Variants in DYNLRB1 observed in about 807,000 individuals in gnomAD.
The protein encoded by DYNLRB1 is ROBL/LC7-like 1.
In DYNLRB1, 6 loss-of-function variants were observed where a neutral mutation model predicts 13.5. The observed-to-expected ratio is 0.44, with a 90% CI of 0.24 to 0.88. The LOEUF (loss-of-function observed/expected upper bound fraction) is 0.88. DYNLRB1 is among the 40% of genes least tolerant of loss of function. The probability of loss-of-function intolerance (pLI) is 0.21; values close to 1 mark genes in which losing one functional copy is unlikely to be tolerated. For synonymous variants in DYNLRB1, 43 were observed against 45.0 expected (o/e 0.96, Z 0.18); for missense variants, 93 against 127.2 (o/e 0.73, Z 1.29).
chr20:34,534,756 C>T lies in DYNLRB1; in HGVS notation c.208C>T (p.Arg70Ter), dbSNP rs1440396140. Residue 70 changes from arginine to a stop codon, truncating the protein, a stop_gained, in exon 3 of 4, where the codon CGA becomes TGA. Transcript: ENST00000357156. LOFTEE classifies it high-confidence loss of function. ...CCCCCAGAACGATCTCACCTTCCTT[C>T]GAATTCGCTCCAAGAAAAATGAAAT... is the stretch of plus-strand genomic sequence containing the variant. ...IDPQNDLTFL[R>*]IRSKKNEIMV... is the part of the protein sequence containing the mutation. 1 of 1,614,136 alleles carries T rather than the reference C, an allele frequency of 6.2e-7. No individual in the cohort carries two copies. The highest frequency in any genetic ancestry group is 8.5e-7 in the Non-Finnish European group (1 of 1,180,020).
chr20:34,516,649 A>T (rs1979220704), intron 1 of DYNLRB1, 188 bp downstream of exon 1: 3 of 1,472,512 alleles, frequency 2.0e-6, no homozygotes, highest in Non-Finnish European at 2.7e-6. Flanking sequence ...AGCCTGACCG[A>T]GGCGGGGCCG....
intron 2 of DYNLRB1, 108 bp from the exon 3 acceptor site, chr20:34,534,520 G>A: frequency 7.4e-7 from 1 of 1,346,434 alleles, no homozygotes; most frequent in Non-Finnish European, 1.0e-6. Context: ...TGCGGATGGT[G>A]GCATTGACTG....
At chr20:34,526,485 CTTTTTTTT>C in intron 2 of DYNLRB1, 142 bp downstream of exon 2, 5 of 237,998 alleles carry the variant, frequency 2.1e-5, no homozygotes, top group East Asian at 7.8e-5. Context: ...CTCCAGTGTT[CTTTTTTTT>C]TTTTTTTTTT....
chr20:34,533,419 G>T (rs1980864796), intron 2 of DYNLRB1: 1 of 949,506 alleles, frequency 1.1e-6, no homozygotes, highest in Non-Finnish European at 1.3e-6. Context: ...ACTTGGCACG[G>T]CCATGTGGAC....
intron 2 of DYNLRB1, among the ~76,000 whole-genome samples, chr20:34,533,988 TTAGC>T (rs1232195792): frequency 6.6e-6 from 1 of 150,968 alleles, no homozygotes; most frequent in African/African-American, 2.4e-5. Context: ...AATACAAAAA[TTAGC>T]TAGCTGGGTG....
chr20:34,521,872 C>G (rs1449133227), intron 1 of DYNLRB1, among the ~76,000 whole-genome samples: 1 of 152,040 alleles, frequency 6.6e-6, no homozygotes, highest in Admixed American at 6.6e-5. Flanking sequence ...ATGTCGAAAC[C>G]CCATCTCTAC....
chr20:34,518,711 C>G (rs1031165394), intron 1 of DYNLRB1, among the ~76,000 whole-genome samples: 1 of 151,888 alleles, frequency 6.6e-6, no homozygotes, highest in Non-Finnish European at 1.5e-5. Flanking sequence ...ACGTTGGCCT[C>G]CCAAAGTGTT....
chr20:34,516,650 G>A, intron 1 of DYNLRB1, 189 bp downstream of exon 1: 1 of 1,471,892 alleles, frequency 6.8e-7, no homozygotes, highest in Non-Finnish European at 9.0e-7. Context: ...GCCTGACCGA[G>A]GCGGGGCCGC....
At chr20:34,538,124 A>AT (rs538105358) in intron 3 of DYNLRB1, among the ~76,000 whole-genome samples, 31,664 of 79,954 alleles carry the variant, frequency 0.4, 7,982 homozygotes, top group Non-Finnish European at 0.41. Context: ...CACACCCAGC[A>AT]TTTTTTTTTT....
intron 2 of DYNLRB1, among the ~76,000 whole-genome samples, chr20:34,527,404 A>G (rs890479414): frequency 1.3e-5 from 2 of 152,224 alleles, no homozygotes; most frequent in African/African-American, 4.8e-5. Flanking sequence ...AAGAGTAACT[A>G]AGAATGAACA....
At position 34,526,543 on chromosome 20, in the gene DYNLRB1, G is replaced by A. The variant is rs1313391798; in HGVS notation, c.79+200G>A. The A allele has an allele frequency of 1.1e-5, 6 of 559,086 alleles. No homozygotes were observed. In the African/African-American group the frequency reaches 1.2e-4, roughly 11 times the overall value. The allele number at this position is 559,086 out of a possible 1,614,324, so 34.6% of individuals were successfully genotyped here. On this transcript the variant is annotated intron_variant, in intron 2 of 3. Transcript: ENST00000357156. ...AGTCAGGTGAAGCAGCGGGAGTGGAGAAGGGACAAAGAAATCGGTAACTGG... is the reference window on the plus strand; with the variant it reads ...AGTCAGGTGAAGCAGCGGGAGTGGAAAAGGGACAAAGAAATCGGTAACTGG...
rs1021184250 is a variant in DYNLRB1, at chr20:34,540,824, G to T, written c.*200G>T. ...CCAACCTTCCCCAGAGCTCCGGAGCGCCCTCTCCTCACTTCCAGGTTTTGG... is the reference window on the plus strand; with the variant it reads ...CCAACCTTCCCCAGAGCTCCGGAGCTCCCTCTCCTCACTTCCAGGTTTTGG... On this transcript the variant is annotated 3_prime_UTR_variant, in exon 4 of 4. Transcript: ENST00000357156. 9.6e-6 allele frequency: 5 copies of T among 520,220 alleles called. No individual in the cohort carries two copies. In the East Asian group the frequency reaches 1.7e-4, roughly 17 times the overall value. The allele number at this position is 520,220 out of a possible 1,614,324, so 32.2% of individuals were successfully genotyped here.
At chr20:34,519,968 TA>T (rs1979575797) in intron 1 of DYNLRB1, among the ~76,000 whole-genome samples, 1 of 151,974 alleles carries the variant, frequency 6.6e-6, no homozygotes, top group African/African-American at 2.4e-5. Context: ...ACTCTGTCTC[TA>T]CTAAAAATAC....
rs572522713 is a variant in DYNLRB1 at position 34,538,762 on chromosome 20, C to T, written c.248-1819C>T. ...CAACAGCCCATCTTCGTGGGAAGAA[C>T]CAAGCTTTAGGCTTGGCTCTGAACA... On this transcript the variant is annotated intron_variant, in intron 3 of 3. Coordinates refer to ENST00000357156, the MANE Select transcript of DYNLRB1 (RefSeq NM_014183.4). Among the ~76,000 whole-genome samples, 6 of 152,330 alleles carry T rather than the reference C, an allele frequency of 3.9e-5. No homozygotes were observed. The South Asian group carries it at 1.2e-3, about 32-fold the overall frequency.
intron 1 of DYNLRB1, among the ~76,000 whole-genome samples, chr20:34,522,256 C>G (rs1600540266): frequency 6.6e-6 from 1 of 151,984 alleles, no homozygotes; most frequent in African/African-American, 2.4e-5. Context: ...TGGGCAAAAC[C>G]CTTCTCCTTT....
chr20:34,523,379 G>A (rs1216579370), intron 1 of DYNLRB1, among the ~76,000 whole-genome samples: 2 of 152,078 alleles, frequency 1.3e-5, no homozygotes, highest in Non-Finnish European at 2.9e-5. Flanking sequence ...CATGAATCAC[G>A]CCCAGTGAAA....
At chr20:34,526,453 A>G in intron 2 of DYNLRB1, 110 bp downstream of exon 2, 1 of 749,968 alleles carries the variant, frequency 1.3e-6, no homozygotes, top group Non-Finnish European at 1.9e-6. Context: ...ATCTAATTTT[A>G]GGCCTTTTTA....
At chr20:34,532,839 G>C (rs1025629779) in intron 2 of DYNLRB1, among the ~76,000 whole-genome samples, 2 of 152,152 alleles carry the variant, frequency 1.3e-5, no homozygotes, top group Admixed American at 6.5e-5. Flanking sequence ...TGGTGCCCTA[G>C]GATGACAAGA....
chr20:34,533,450 C>G (rs1433329018), intron 2 of DYNLRB1: 2 of 985,222 alleles, frequency 2.0e-6, no homozygotes, highest in East Asian at 2.3e-4. Context: ...TAGCTGCTAC[C>G]CAAGCCTCCC....
Sources: allele counts gnomAD v4.1 joint callset (sites outside exome capture counted in the v4.1 genomes callset), GRCh38; gene constraint gnomAD v4.1.1; transcripts MANE v1.5; gene names NCBI Gene and HGNC (gene_info 2026-07-23, HGNC 2026-07-21).